The following MAD2L2 variants were observed in gnomAD, a reference collection of about 807,000 sequenced individuals.
MAD2L2 encodes mitotic arrest deficient 2 like 2.
Under a neutral mutation model 30.5 loss-of-function variants are expected in MAD2L2, and 17 were observed. The observed-to-expected ratio is 0.56, with a 90% CI of 0.38 to 0.84. MAD2L2 has a LOEUF of 0.84. Among genes scored for constraint, MAD2L2 ranks in the 40% least tolerant of loss-of-function variants. MAD2L2 has a pLI of 0.00. For synonymous variants in MAD2L2, 101 were observed against 113.9 expected (o/e 0.89, Z 0.72); for missense variants, 213 against 277.4 (o/e 0.77, Z 1.65).
upstream of MAD2L2, among the ~76,000 whole-genome samples, chr1:11,683,019 T>A (rs939482046): frequency 6.6e-6 from 1 of 152,202 alleles, no homozygotes; most frequent in Non-Finnish European, 1.5e-5. Flanking sequence ...GGTCTTTCCT[T>A]TCCCTCTCTG....
chr1:11,684,941 T>C (rs377765872), upstream of MAD2L2, among the ~76,000 whole-genome samples: 6 of 132,702 alleles, frequency 4.5e-5, no homozygotes, highest in South Asian at 2.5e-4. Context: ...TTTTTTTTTT[T>C]CCCAGAGACA....
At chr1:11,675,630 G>GCCCAGA (rs1223005653) in intron 7 of MAD2L2, 28 bp downstream of exon 7, 1 of 1,608,716 alleles carries the variant, frequency 6.2e-7, no homozygotes, top group South Asian at 1.1e-5. Flanking sequence ...TAGAGCCTGC[G>GCCCAGA]CCCAGACCCA....
Position 11,676,753 on chromosome 1 carries a change from T to TGGCC in MAD2L2, c.332+94_332+95insGGCC, listed in dbSNP as rs1570285443. 18 of 951,238 alleles carry TGGCC rather than the reference T, an allele frequency of 1.9e-5. No homozygotes were observed. In the East Asian group the frequency reaches 4.4e-4, roughly 23 times the overall value. The allele number at this position is 951,238 out of a possible 1,614,324, so 58.9% of individuals were successfully genotyped here. A position where few individuals can be genotyped will look rare whatever the true frequency, so the allele number is the denominator to read the frequency against. On this transcript the variant is annotated intron_variant, in intron 5 of 8. Coordinates refer to ENST00000376692, the MANE Select transcript of MAD2L2 (RefSeq NM_006341.4). ...TCTTGCCCTTTCTCCTCCCAGGCCTTTACCAAGGTATTCAAGGGCCGCCTT... is the reference window on the plus strand; with the variant it reads ...TCTTGCCCTTTCTCCTCCCAGGCCTTGGCCTACCAAGGTATTCAAGGGCCGCCTT...
intron 3 of MAD2L2, 93 bp from the exon 4 acceptor site, chr1:11,677,707 G>T: frequency 9.7e-7 from 1 of 1,030,420 alleles, no homozygotes; most frequent in Non-Finnish European, 1.5e-6. Flanking sequence ...TCTGCCTTCG[G>T]TCCGAGGCCC....
At position 11,687,449 on chromosome 1, in the gene MAD2L2, A is replaced by T. The variant is rs1026063135; in HGVS notation, c.-692+3964T>A. Among the ~76,000 whole-genome samples the T allele has an allele frequency of 6.6e-6, 1 of 152,238 alleles. No homozygotes were observed. The highest frequency in any genetic ancestry group is 2.4e-5 in the African/African-American group (1 of 41,460). ...GACATGAGGTTTTGCCATATTGGCC[A>T]GGCTGGTCTCGAACTCCTGACCTCA... On this transcript the variant is annotated intron_variant, in intron 1 of 10. Coordinates refer to the MAD2L2 transcript ENST00000235310. This position sits in a 1 kb window ranked among gnomAD's most constrained non-coding sequence, Gnocchi z 4.1.
rs758023010 is a variant in MAD2L2, at chr1:11,677,534, C to T, written c.231+9G>A. On this transcript the variant is annotated intron_variant, in intron 4 of 8. Coordinates refer to ENST00000376692, the MANE Select transcript of MAD2L2 (RefSeq NM_006341.4). ...GGTGAGATGGCTGGGGAGCCCAGTG[C>T]ACCCTCACCTTCTCCAGGAGTGGCT... is the stretch of plus-strand genomic sequence containing the variant. 3 of 1,613,600 alleles carry T rather than the reference C, an allele frequency of 1.9e-6. No homozygotes were observed. Among genetic ancestry groups the T allele is most frequent in the East Asian group, 4.5e-5 (2 of 44,886 alleles).
upstream of MAD2L2, among the ~76,000 whole-genome samples, chr1:11,684,338 T>C (rs903950634): frequency 1.3e-5 from 2 of 152,230 alleles, no homozygotes; most frequent in Non-Finnish European, 2.9e-5. Flanking sequence ...TATTACATTT[T>C]TGAACATCCG....
intron 3 of MAD2L2, among the ~76,000 whole-genome samples, chr1:11,678,159 A>G (rs1458911578): frequency 6.6e-6 from 1 of 151,864 alleles, no homozygotes; most frequent in Admixed American, 6.6e-5. Context: ...TCACTCCTCT[A>G]ATCCCAGCAC....
At chr1:11,679,565 C>T (rs1198853906) in intron 3 of MAD2L2, among the ~76,000 whole-genome samples, 2 of 148,778 alleles carry the variant, frequency 1.3e-5, no homozygotes, top group Admixed American at 6.6e-5. Context: ...CTTGCTCTGT[C>T]GCCCAGGCTG....
At chr1:11,681,643 C>T (rs965719100), upstream of MAD2L2, 2 of 152,254 alleles carry the variant, frequency 1.3e-5, no homozygotes, top group Non-Finnish European at 2.9e-5. Flanking sequence ...CGGCGTCGCC[C>T]CTGCTCCGCC....
rs945565936 is a variant in MAD2L2, at chr1:11,690,445, A to G, written c.-692+968T>C. 6.6e-6 allele frequency among the ~76,000 whole-genome samples: 1 copy of G among 152,184 alleles called. No homozygotes were observed. Among genetic ancestry groups the G allele is most frequent in the African/African-American group, 2.4e-5 (1 of 41,440 alleles). On this transcript the variant is annotated intron_variant, in intron 1 of 10. Transcript: ENST00000235310. The surrounding 1 kb of genome is among the most constrained non-coding windows in gnomAD (Gnocchi z 4.2). ...GAAACGTTATCTCCTTACACAGGGCACTGCATTCACGCCTAGAACACTGAA... is the reference window on the plus strand; with the variant it reads ...GAAACGTTATCTCCTTACACAGGGCGCTGCATTCACGCCTAGAACACTGAA...
rs1641000775 is a variant in MAD2L2, at chr1:11,688,453, C to T, written c.-692+2960G>A. 1.3e-5 allele frequency among the ~76,000 whole-genome samples: 2 copies of T among 152,000 alleles called. No homozygotes were observed. The highest frequency in any genetic ancestry group is 4.8e-5 in the African/African-American group (2 of 41,360). On this transcript the variant is annotated intron_variant, in intron 1 of 10. Transcript: ENST00000235310. This position sits in a 1 kb window ranked among gnomAD's most constrained non-coding sequence, Gnocchi z 4.6. ...GCAGGTGCCTGTAGTCACAGCTACT[C>T]AGGAAGCTGAGGCAGGCGAATCGCT...
chr1:11,686,361 G>C (rs1327048069), intron 1 of MAD2L2, among the ~76,000 whole-genome samples: 1 of 152,210 alleles, frequency 6.6e-6, no homozygotes, highest in Non-Finnish European at 1.5e-5. Flanking sequence ...GCCCTCACCT[G>C]CCATTCCCTC....
intron 1 of MAD2L2, chr1:11,691,399 CG>C (rs1198178857): frequency 6.6e-6 from 1 of 151,998 alleles, no homozygotes; most frequent in East Asian, 1.9e-4. Context: ...CGCGCCGAGG[CG>C]GCTCTTACGC....
Position 11,675,114 on chromosome 1 carries a change from G to A in MAD2L2, c.562C>T (p.Pro188Ser). The change falls in exon 8 of 9, where the codon CCA (proline) becomes TCA (serine). Residue 188 changes from proline (P) to serine (S), a missense_variant. By Grantham distance (74) the Pro-to-Ser change is moderately conservative (BLOSUM62 -1). Transcript: ENST00000376692. ...ATGTCCGACGTCATGGTTTTTAGTG[G>A]TATCAGCCGGGGGTCATGCATGTGG... ...DVHMHDPRLI[P>S]LKTMTSDILK... The A allele has an allele frequency of 1.2e-6, 2 of 1,601,912 alleles. No individual in the cohort carries two copies. The highest frequency in any genetic ancestry group is 1.7e-6 in the Non-Finnish European group (2 of 1,173,756).
At position 11,690,460 on chromosome 1, in the gene MAD2L2, A is replaced by G; in HGVS notation, c.-692+953T>C. On this transcript the variant is annotated intron_variant, in intron 1 of 10. Transcript: ENST00000235310. This position sits in a 1 kb window ranked among gnomAD's most constrained non-coding sequence, Gnocchi z 4.2. ...TACACAGGGCACTGCATTCACGCCT[A>G]GAACACTGAAATTTAGGTATAATCA... Among the ~76,000 whole-genome samples, 1 of 152,234 alleles carries G rather than the reference A, an allele frequency of 6.6e-6. No homozygotes were observed. The highest frequency in any genetic ancestry group is 1.9e-4 in the East Asian group (1 of 5,204).
intron 2 of MAD2L2, 28 bp from the exon 3 acceptor site, chr1:11,680,499 G>A (rs1414520401): frequency 1.2e-6 from 2 of 1,611,454 alleles, no homozygotes; most frequent in Non-Finnish European, 1.7e-6. Context: ...CCGGTGGCGC[G>A]CTCGAGGAAG....
At chr1:11,684,173 C>T (rs1345745584), upstream of MAD2L2, among the ~76,000 whole-genome samples, 1 of 139,382 alleles carries the variant, frequency 7.2e-6, no homozygotes, top group Non-Finnish European at 1.6e-5. Context: ...TCCATGGGGG[C>T]GGGGGCAGGG....
upstream of MAD2L2, among the ~76,000 whole-genome samples, chr1:11,684,303 T>A (rs67654234): frequency 0.16 from 24,681 of 152,206 alleles, 2,336 homozygotes; most frequent in South Asian, 0.21. Context: ...GGTTGTGGGA[T>A]CCAGATTACA....
Sources: gnomAD v4.1 joint callset for allele counts (sites outside exome capture counted in the v4.1 genomes callset) on GRCh38, gnomAD v4.1.1 for gene constraint, Gnocchi (gnomAD v3.1) non-coding constraint, MANE v1.5 for transcripts, NCBI Gene and HGNC (gene_info 2026-07-23, HGNC 2026-07-21) for gene names.